The following COG4 variants were observed in gnomAD, a reference collection of about 807,000 sequenced individuals.
The protein encoded by COG4 is component of oligomeric golgi complex 4.
COG4 carries 65 observed loss-of-function variants against 95.1 expected under a neutral mutation model. The ratio of observed to expected loss-of-function variants is 0.68; its 90% CI spans 0.56 to 0.84. The LOEUF is 0.84. Among genes scored for constraint, COG4 ranks in the 40% least tolerant of loss-of-function variants. The probability of loss-of-function intolerance (pLI) is 0.00; values close to 1 mark genes in which losing one functional copy is unlikely to be tolerated. For synonymous variants in COG4, 421 were observed against 374.8 expected (o/e 1.12, Z -1.42); for missense variants, 1,045 against 989.1 (o/e 1.06, Z -0.76).
intron 11 of COG4, 110 bp from the exon 12 acceptor site, chr16:70,496,541 G>A: frequency 4.6e-6 from 5 of 1,080,262 alleles, no homozygotes; most frequent in Non-Finnish European, 5.6e-6. Flanking sequence ...TCTTTTAGGG[G>A]GAATAACCAG....
chr16:70,523,269 T>C lies in COG4; in HGVS notation c.171+104A>G, dbSNP rs2049992535. On this transcript the variant is annotated intron_variant, in intron 1 of 18. Coordinates refer to ENST00000323786, the MANE Select transcript of COG4 (RefSeq NM_015386.3). ...TCCGCTTCTTTGTTTTCCCGCTTTT[T>C]TGTATCCCCCAGCAAGGAGAGTTTC... 8 of 1,412,008 alleles carry C rather than the reference T, an allele frequency of 5.7e-6. No homozygotes were observed. The South Asian group carries it at 6.9e-5, about 12-fold the overall frequency. The allele number at this position is 1,412,008 out of a possible 1,614,324, so 87.5% of individuals were successfully genotyped here.
intron 13 of COG4, among the ~76,000 whole-genome samples, chr16:70,487,985 C>T (rs1048445942): frequency 1.3e-5 from 2 of 151,852 alleles, no homozygotes; most frequent in Non-Finnish European, 2.9e-5. Context: ...CCACCACAAC[C>T]GGCTAATTTT....
rs538921177 is a variant in COG4, at chr16:70,483,769, C to T, written c.1827+84G>A. The T allele has an allele frequency of 9.9e-6, 11 of 1,106,788 alleles. No individual in the cohort carries two copies. In the African/African-American group the frequency reaches 1.1e-4, roughly 11 times the overall value. The allele number at this position is 1,106,788 out of a possible 1,614,324, so 68.6% of individuals were successfully genotyped here. A position where few individuals can be genotyped will look rare whatever the true frequency, so the allele number is the denominator to read the frequency against. ...CTCCCTCACCCGTCCTCCTGGCTTC[C>T]TTGCACACGATGAGCCAGCTAACAA... is the stretch of plus-strand genomic sequence containing the variant. On this transcript the variant is annotated intron_variant, in intron 14 of 18. Transcript: ENST00000323786.
rs544407489 is a variant in COG4 at position 70,517,992 on chromosome 16, G to A, written c.255-252C>T. 3.9e-4 allele frequency among the ~76,000 whole-genome samples: 59 copies of A among 151,602 alleles called. 1 individual carries two copies. The highest frequency in any genetic ancestry group is 3.4e-3 in the Middle Eastern group (1 of 292). On this transcript the variant is annotated intron_variant, in intron 2 of 18. Transcript: ENST00000323786. The stretch of plus-strand genomic sequence containing the variant: ...TGTCGCCAGGCTGGAGTGCACTGGC[G>A]CAATCTCAGCTCACTGCAACCTCCG...
chr16:70,503,815 C>T (rs994959649), intron 8 of COG4, among the ~76,000 whole-genome samples: 2 of 123,450 alleles, frequency 1.6e-5, no homozygotes, highest in Admixed American at 7.2e-5. Context: ...AGGATGGTCT[C>T]GATCTCCTGA....
intron 15 of COG4, 31 bp downstream of exon 15, chr16:70,482,698 G>C: frequency 6.3e-7 from 1 of 1,583,978 alleles, no homozygotes; most frequent in Non-Finnish European, 8.7e-7. Context: ...GGGGTCATCG[G>C]GGCTTGATGG....
intron 13 of COG4, among the ~76,000 whole-genome samples, chr16:70,488,087 A>T (rs2049173470): frequency 6.6e-6 from 1 of 151,056 alleles, no homozygotes; most frequent in Non-Finnish European, 1.5e-5. Flanking sequence ...GGCATCCCAA[A>T]GTGCTGGGGT....
chr16:70,506,603 AAAAAAAAAAAAAAAC>A (rs1317582924), intron 8 of COG4, among the ~76,000 whole-genome samples: 64 of 110,734 alleles, frequency 5.8e-4, no homozygotes, highest in East Asian at 1.3e-3. Flanking sequence ...CAAAAAAAAA[AAAAAAAAAAAAAAAC>A]AAAAAAAAAA....
At chr16:70,520,073 G>A (rs1245885163) in intron 1 of COG4, among the ~76,000 whole-genome samples, 1 of 151,986 alleles carries the variant, frequency 6.6e-6, no homozygotes, top group African/African-American at 2.4e-5. Flanking sequence ...AGGCCCAGGT[G>A]GGTGGATCAC....
chr16:70,482,327 A>C, intron 15 of COG4, 152 bp from the exon 16 acceptor site: 1 of 705,096 alleles, frequency 1.4e-6, no homozygotes, highest in Admixed American at 2.0e-5. Context: ...TCAGACACCC[A>C]GGCTGGCAGA....
At chr16:70,497,820 G>A in intron 10 of COG4, 117 bp downstream of exon 10, 1 of 783,608 alleles carries the variant, frequency 1.3e-6, no homozygotes, top group Admixed American at 1.7e-5. Context: ...CACTCAATCT[G>A]CATGCAAGAG....
chr16:70,511,224 A>G (rs1251604755), intron 5 of COG4, among the ~76,000 whole-genome samples: 1 of 152,212 alleles, frequency 6.6e-6, no homozygotes, highest in Non-Finnish European at 1.5e-5. Context: ...CCCTTCCAAA[A>G]GAAATCCTCT....
intron 13 of COG4, among the ~76,000 whole-genome samples, chr16:70,486,174 C>T (rs935335812): frequency 2.0e-5 from 3 of 152,134 alleles, no homozygotes; most frequent in South Asian, 2.1e-4. Flanking sequence ...GGATTACAGG[C>T]GTGAGCCACC....
In COG4 at chr16:70,481,968, T is replaced by A; in HGVS notation, c.2005-103A>T. The A allele has an allele frequency of 2.2e-6, 3 of 1,341,594 alleles. No homozygotes were observed. The South Asian group carries it at 3.5e-5, about 16-fold the overall frequency. The allele number at this position is 1,341,594 out of a possible 1,614,324, so 83.1% of individuals were successfully genotyped here. A position where few individuals can be genotyped will look rare whatever the true frequency, so the allele number is the denominator to read the frequency against. ...TAGTAGCGTGAGGCCACGGGGGAGT[T>A]TCTACAGGTGAGGGTTGGAAGGGCT... On this transcript the variant is annotated intron_variant, in intron 16 of 18. Coordinates refer to ENST00000323786, the MANE Select transcript of COG4 (RefSeq NM_015386.3).
chr16:70,495,278 T>A (rs1375015954), intron 12 of COG4, among the ~76,000 whole-genome samples: 1 of 149,020 alleles, frequency 6.7e-6, no homozygotes, highest in East Asian at 2.0e-4. Flanking sequence ...ATGCCTGTAA[T>A]CCCAGCTACT....
chr16:70,512,709 G>C (rs2049735118), intron 4 of COG4, among the ~76,000 whole-genome samples: 1 of 152,224 alleles, frequency 6.6e-6, no homozygotes. Context: ...TCCGGGCACG[G>C]TGGCTCATGC....
At chr16:70,503,786 G>C (rs1413444074) in intron 8 of COG4, among the ~76,000 whole-genome samples, 1 of 131,094 alleles carries the variant, frequency 7.6e-6, no homozygotes, top group Non-Finnish European at 1.5e-5. Flanking sequence ...AGTAGAGACG[G>C]GGTTTCACCG....
chr16:70,517,528 T>C (rs1483394725), intron 3 of COG4, 98 bp downstream of exon 3: 2 of 718,764 alleles, frequency 2.8e-6, no homozygotes, highest in African/African-American at 4.0e-5. Flanking sequence ...GTTGGGGCTG[T>C]AGTGAGCTGT....
rs1045646682 is a variant in COG4, at chr16:70,501,038, A to T, written c.1115T>A (p.Leu372Gln). 1.2e-6 allele frequency: 2 copies of T among 1,613,920 alleles called. No individual in the cohort carries two copies. The highest frequency in any genetic ancestry group is 1.7e-6 in the Non-Finnish European group (2 of 1,180,004). Reference protein sequence around the residue: ...EVTLMNARSELYLRFLKKRIS... With the variant: ...EVTLMNARSEQYLRFLKKRIS... ...CCTCTTCTTGAGGAAGCGTAAGTAT[A>T]GCTCACTGCGGGCATTCATCAGGGT... Residue 372 changes from leucine to glutamine, a missense_variant, in exon 9 of 19, where the codon CTA becomes CAA. Physicochemically the swap from Leu to Gln is moderately radical, Grantham distance 113. Coordinates refer to ENST00000323786, the MANE Select transcript of COG4 (RefSeq NM_015386.3).
Sources: allele counts gnomAD v4.1 joint callset (sites outside exome capture counted in the v4.1 genomes callset), GRCh38; gene constraint gnomAD v4.1.1; transcripts MANE v1.5; gene names NCBI Gene and HGNC (gene_info 2026-07-23, HGNC 2026-07-21).